ZNF567: variants seen among roughly 807,000 people sequenced by gnomAD.
ZNF567 encodes zinc finger protein 567.
In ZNF567, 36 loss-of-function variants were observed where a neutral mutation model predicts 53.9. The ratio of observed to expected loss-of-function variants is 0.67; its 90% CI spans 0.51 to 0.88. ZNF567 has a LOEUF of 0.88. Among genes scored for constraint, ZNF567 ranks in the 40% least tolerant of loss-of-function variants. The pLI is 0.00. For synonymous variants in ZNF567, 224 were observed against 260.4 expected (o/e 0.86, Z 1.35); for missense variants, 619 against 764.7 (o/e 0.81, Z 2.25).
At position 36,720,083 on chromosome 19, in the gene ZNF567, A is replaced by G. The variant is rs1247506431; in HGVS notation, c.1359A>G (p.Glu453=). The change falls in exon 6 of 6, where the codon GAA becomes GAG. Residue 453 remains glutamate (E), a synonymous_variant. Coordinates refer to ENST00000682579, the MANE Select transcript of ZNF567 (RefSeq NM_001322917.1). ...HNEEKPYICS[E]CGKSFRQKTT... Reference sequence around the variant, plus strand: ...AGGAGAAACCCTATATTTGTAGTGAATGTGGAAAGTCCTTCCGCCAGAAGA... The same window carrying G: ...AGGAGAAACCCTATATTTGTAGTGAGTGTGGAAAGTCCTTCCGCCAGAAGA... 2.5e-6 allele frequency: 4 copies of G among 1,611,894 alleles called. No homozygotes were observed. The Admixed American group carries it at 5.0e-5, about 20-fold the overall frequency.
intron 2 of ZNF567, among the ~76,000 whole-genome samples, chr19:36,691,844 C>T (rs1298782319): frequency 1.3e-5 from 2 of 152,156 alleles, no homozygotes; most frequent in Non-Finnish European, 2.9e-5. Flanking sequence ...GACAGAGTCT[C>T]ACTATGTTGC....
chr19:36,707,911 CGTTT>C (rs1307911341), intron 3 of ZNF567, among the ~76,000 whole-genome samples: 3 of 151,892 alleles, frequency 2.0e-5, no homozygotes, highest in African/African-American at 4.8e-5. Context: ...CCTTGTTTTT[CGTTT>C]GTTTGTTTGA....
At chr19:36,678,100 G>A in the ZNF567 span, among the ~76,000 whole-genome samples, 20 of 152,288 alleles carry the variant, frequency 1.3e-4, no homozygotes, top group Non-Finnish European at 7.3e-5. Flanking sequence ...GGAGATAGCC[G>A]TGAATGTGTG....
upstream of ZNF567, among the ~76,000 whole-genome samples, chr19:36,682,736 T>C (rs868604078): frequency 1.8e-4 from 27 of 151,512 alleles, no homozygotes; most frequent in Admixed American, 1.2e-3. Flanking sequence ...GCCTCCCGAG[T>C]AGCTGGGACT....
At chr19:36,693,105 T>C (rs151212390) in intron 2 of ZNF567, among the ~76,000 whole-genome samples, 1 of 151,542 alleles carries the variant, frequency 6.6e-6, no homozygotes, top group Non-Finnish European at 1.5e-5. Flanking sequence ...CTAAGCAACA[T>C]AGTAAGACCC....
chr19:36,672,023 T>C, the ZNF567 span, among the ~76,000 whole-genome samples: 3 of 152,142 alleles, frequency 2.0e-5, no homozygotes, highest in East Asian at 5.8e-4. Context: ...TTCCCTATGA[T>C]CAGTTGATAG....
chr19:36,696,847 A>AT (rs1478776243), intron 3 of ZNF567, among the ~76,000 whole-genome samples: 1 of 152,128 alleles, frequency 6.6e-6, no homozygotes, highest in East Asian at 1.9e-4. Flanking sequence ...CGTTTTAACC[A>AT]TTTTTTAGCG....
chr19:36,715,833 C>A (rs1412840703), intron 5 of ZNF567, among the ~76,000 whole-genome samples: 4 of 152,064 alleles, frequency 2.6e-5, no homozygotes, highest in Non-Finnish European at 4.4e-5. Context: ...CCAATCCCTT[C>A]AAATTTATTT....
rs1168609540 is a variant in ZNF567, at chr19:36,715,321, C to T, written c.223+2454C>T. Among the ~76,000 whole-genome samples the T allele has an allele frequency of 5.3e-5, 8 of 150,782 alleles. No individual in the cohort carries two copies. In the South Asian group the frequency reaches 6.3e-4, roughly 12 times the overall value. The stretch of plus-strand genomic sequence containing the variant: ...GATTACAGGTGCCCACCACCATGCC[C>T]GGCTAATTTTTGTATTTTTAGTAGA... On this transcript the variant is annotated intron_variant, in intron 5 of 5. Coordinates refer to ENST00000682579, the MANE Select transcript of ZNF567 (RefSeq NM_001322917.1).
Position 36,719,447 on chromosome 19 carries a change from T to TA in ZNF567, c.730dup (p.Arg244LysfsTer7). ...AAGGAGAAAACCCATCTGTATATAA[T>TA]AAAAAAAGAAGAGCAACCAATATTG... On this transcript the variant is annotated frameshift_variant, in exon 6 of 6. Coordinates refer to ENST00000682579, the MANE Select transcript of ZNF567 (RefSeq NM_001322917.1). LOFTEE classifies it high-confidence loss of function. The TA allele has an allele frequency of 1.2e-6, 2 of 1,610,550 alleles. No individual in the cohort carries two copies. The highest frequency in any genetic ancestry group is 1.7e-6 in the Non-Finnish European group (2 of 1,179,214).
chr19:36,674,501 G>T, the ZNF567 span, among the ~76,000 whole-genome samples: 1 of 152,092 alleles, frequency 6.6e-6, no homozygotes, highest in Non-Finnish European at 1.5e-5. Context: ...GGGTACTAAT[G>T]GAGCAAGGCT....
chr19:36,726,051 T>A (rs2040334117), downstream of ZNF567, among the ~76,000 whole-genome samples: 1 of 152,260 alleles, frequency 6.6e-6, no homozygotes, highest in Non-Finnish European at 1.5e-5. Flanking sequence ...CTGATTGCTC[T>A]GTCTCCTCTG....
At chr19:36,721,995 G>A (rs574680383), downstream of ZNF567, among the ~76,000 whole-genome samples, 7 of 151,920 alleles carry the variant, frequency 4.6e-5, no homozygotes, top group East Asian at 3.9e-4. Flanking sequence ...CGCCTGCCTC[G>A]GCCTCCCAAA....
downstream of ZNF567, among the ~76,000 whole-genome samples, chr19:36,722,945 TATGC>T (rs1234745302): frequency 6.7e-6 from 1 of 149,914 alleles, no homozygotes; most frequent in African/African-American, 2.5e-5. Flanking sequence ...ATAATTTATA[TATGC>T]ATAAAGATTT....
intron 3 of ZNF567, among the ~76,000 whole-genome samples, chr19:36,699,261 G>T (rs2039050148): frequency 6.6e-6 from 1 of 152,096 alleles, no homozygotes; most frequent in Non-Finnish European, 1.5e-5. Context: ...TGAGGGCTCT[G>T]TTCTGTTCCA....
rs1383341504 is a variant in ZNF567 at position 36,689,277 on chromosome 19, TTA to T, written c.-167-118_-167-117del. The T allele has an allele frequency of 2.3e-4, 29 of 123,990 alleles. 1 individual carries two copies. In the South Asian group the frequency reaches 5.5e-3, roughly 24 times the overall value. 7.7% of individuals were successfully genotyped at this position (123,990 alleles called of 1,614,324 possible). ...TGTGTGTGTGTGTGTGTGTGTGTAT[TTA>T]TTTTTTTTTTTGCTGGATGAATTTC... On this transcript the variant is annotated intron_variant, in intron 1 of 5. Transcript: ENST00000682579.
the ZNF567 span, among the ~76,000 whole-genome samples, chr19:36,675,238 A>G: frequency 6.6e-6 from 1 of 152,168 alleles, no homozygotes; most frequent in Non-Finnish European, 1.5e-5. Flanking sequence ...ATTAAATGTT[A>G]AATGTTAAAG....
At chr19:36,677,979 A>G in the ZNF567 span, among the ~76,000 whole-genome samples, 1 of 151,960 alleles carries the variant, frequency 6.6e-6, no homozygotes, top group Admixed American at 6.6e-5. Context: ...TCTGTCTCAT[A>G]TTTTCCTCTC....
the ZNF567 span, among the ~76,000 whole-genome samples, chr19:36,674,248 C>T: frequency 6.6e-6 from 1 of 152,152 alleles, no homozygotes; most frequent in African/African-American, 2.4e-5. Flanking sequence ...CATGCAAGAC[C>T]TTGTGCTTCA....
Sources: gnomAD v4.1 joint callset for allele counts (sites outside exome capture counted in the v4.1 genomes callset) on GRCh38, gnomAD v4.1.1 for gene constraint, MANE v1.5 for transcripts, NCBI Gene and HGNC (gene_info 2026-07-23, HGNC 2026-07-21) for gene names.